The following FER1L6 variants were observed in gnomAD, a reference collection of about 807,000 sequenced individuals.
FER1L6 encodes the protein fer-1-like protein 6.
In FER1L6, 177 loss-of-function variants were observed where a neutral mutation model predicts 219.2. That is an observed-to-expected ratio of 0.81 (90% confidence interval 0.71 to 0.91). FER1L6 has a LOEUF of 0.91. Among genes scored for constraint, FER1L6 ranks in the 40% least tolerant of loss-of-function variants. FER1L6 has a pLI of 0.00. For synonymous variants in FER1L6, 768 were observed against 824.3 expected (o/e 0.93, Z 1.17); for missense variants, 2,153 against 2,259.9 (o/e 0.95, Z 0.96).
chr8:124,025,738 G>T (rs1313312776), intron 18 of FER1L6, among the ~76,000 whole-genome samples: 2 of 152,084 alleles, frequency 1.3e-5, no homozygotes, highest in Non-Finnish European at 2.9e-5. Context: ...TGATAGGAAG[G>T]GCATTGAATC....
At position 123,973,424 on chromosome 8, in the gene FER1L6, C is replaced by A; in HGVS notation, c.448-10C>A. On this transcript the variant is annotated splice_polypyrimidine_tract_variant and intron_variant, in intron 6 of 40. Coordinates refer to ENST00000522917, the MANE Select transcript of FER1L6 (RefSeq NM_001039112.2). ...AAATCTGCCATACTCCCTGCTCTCTCTCTCCTCAGGTCTTTCACCACAAGC... is the reference window on the plus strand; with the variant it reads ...AAATCTGCCATACTCCCTGCTCTCTATCTCCTCAGGTCTTTCACCACAAGC... 2 of 1,610,650 alleles carry A rather than the reference C, an allele frequency of 1.2e-6. No homozygotes were observed. The highest frequency in any genetic ancestry group is 1.7e-6 in the Non-Finnish European group (2 of 1,176,776).
At chr8:123,918,059 C>T (rs1453142031) in intron 1 of FER1L6, among the ~76,000 whole-genome samples, 1 of 152,168 alleles carries the variant, frequency 6.6e-6, no homozygotes, top group Non-Finnish European at 1.5e-5. Flanking sequence ...CCTGTAATCC[C>T]AGCACTTTGG....
At chr8:124,094,018 C>T (rs1038453230) in intron 34 of FER1L6, among the ~76,000 whole-genome samples, 11 of 151,980 alleles carry the variant, frequency 7.2e-5, no homozygotes, top group Admixed American at 1.3e-4. Context: ...TCTTGTTTTG[C>T]GCGTATCATT....
intron 33 of FER1L6, among the ~76,000 whole-genome samples, chr8:124,087,039 T>C (rs908599321): frequency 7.9e-5 from 12 of 152,204 alleles, no homozygotes; most frequent in African/African-American, 2.7e-4. Context: ...TTTGGGAGTT[T>C]GATTATTAAA....
At chr8:123,938,169 G>A (rs1189438302) in intron 1 of FER1L6, among the ~76,000 whole-genome samples, 1 of 152,202 alleles carries the variant, frequency 6.6e-6, no homozygotes, top group Non-Finnish European at 1.5e-5. Flanking sequence ...CTCAGTTTAA[G>A]TCTCTTGACC....
intron 1 of FER1L6, among the ~76,000 whole-genome samples, chr8:123,933,386 GTGTGTGTGTGTGTGTC>G (rs374056994): frequency 3.5e-4 from 49 of 138,236 alleles, no homozygotes; most frequent in African/African-American, 1.2e-3. Context: ...GTCTGTGTGT[GTGTGTGTGTGTGTGTC>G]TGTGTGTGTG....
At chr8:123,916,825 C>T (rs1374121189) in intron 1 of FER1L6, among the ~76,000 whole-genome samples, 1 of 152,158 alleles carries the variant, frequency 6.6e-6, no homozygotes, top group Non-Finnish European at 1.5e-5. Flanking sequence ...GCAATTAATG[C>T]GTCAATGTCT....
At chr8:123,975,127 G>A (rs757743885) in intron 7 of FER1L6, 23 bp from the exon 8 acceptor site, 1 of 1,561,604 alleles carries the variant, frequency 6.4e-7, no homozygotes, top group Non-Finnish European at 8.7e-7. Context: ...TGAAGGATGT[G>A]AGCTGTCAGG....
chr8:124,009,938 G>A (rs146004653), intron 13 of FER1L6, among the ~76,000 whole-genome samples: 19 of 143,686 alleles, frequency 1.3e-4, no homozygotes, highest in African/African-American at 3.4e-4. Flanking sequence ...TTTGAGGGTC[G>A]TGGAACTGCA....
intron 1 of FER1L6, among the ~76,000 whole-genome samples, chr8:123,900,423 C>T (rs142689416): frequency 1.7e-3 from 265 of 152,174 alleles, no homozygotes; most frequent in African/African-American, 6.2e-3. Context: ...AGGTAAATGA[C>T]CATATCATCA....
At chr8:123,866,855 G>A (rs1015390703) in intron 1 of FER1L6, among the ~76,000 whole-genome samples, 1 of 152,134 alleles carries the variant, frequency 6.6e-6, no homozygotes, top group Non-Finnish European at 1.5e-5. Flanking sequence ...CTGGCCTCTA[G>A]CACTCCTCTG....
At chr8:124,045,296 C>T (rs1049063684) in intron 20 of FER1L6, among the ~76,000 whole-genome samples, 1 of 152,214 alleles carries the variant, frequency 6.6e-6, no homozygotes, top group African/African-American at 2.4e-5. Context: ...CAGGTGGAAC[C>T]TCAGTTCTGC....
At chr8:123,863,977 T>G (rs1172763730) in intron 1 of FER1L6, among the ~76,000 whole-genome samples, 8 of 149,734 alleles carry the variant, frequency 5.3e-5, no homozygotes, top group Non-Finnish European at 1.0e-4. Flanking sequence ...TTAGTCCATT[T>G]ACATTTAAAG....
intron 22 of FER1L6, among the ~76,000 whole-genome samples, chr8:124,055,106 C>T (rs1820224486): frequency 6.6e-6 from 1 of 152,112 alleles, no homozygotes; most frequent in Non-Finnish European, 1.5e-5. Context: ...CCACATCACA[C>T]AGAAAAGCCC....
At chr8:123,917,246 G>GAC (rs1813216444) in intron 1 of FER1L6, among the ~76,000 whole-genome samples, 1 of 152,200 alleles carries the variant, frequency 6.6e-6, no homozygotes, top group African/African-American at 2.4e-5. Flanking sequence ...ATGGTGACCA[G>GAC]ACACACATTT....
chr8:123,907,991 C>T lies in FER1L6; in HGVS notation c.-7-48001C>T, dbSNP rs147010544. Reference sequence around the variant, plus strand: ...TATCTAAGTGATGTATTTGTTTCTACTTTAGTCTGTGAACCTCCCAGAGTT... The same window carrying T: ...TATCTAAGTGATGTATTTGTTTCTATTTTAGTCTGTGAACCTCCCAGAGTT... On this transcript the variant is annotated intron_variant, in intron 1 of 40. Coordinates refer to ENST00000522917, the MANE Select transcript of FER1L6 (RefSeq NM_001039112.2). Among the ~76,000 whole-genome samples the T allele has an allele frequency of 6.6e-3, 1,000 of 152,094 alleles. 9 individuals are homozygous for T. The highest frequency in any genetic ancestry group is 0.023 in the African/African-American group (945 of 41,528).
chr8:124,064,701 T>A (rs1223229336), intron 26 of FER1L6, 128 bp downstream of exon 26: 2 of 804,308 alleles, frequency 2.5e-6, no homozygotes, highest in East Asian at 2.7e-5. Flanking sequence ...TATCGGTTCA[T>A]CCTTTGTAAA....
chr8:123,939,827 T>C lies in FER1L6; in HGVS notation c.-7-16165T>C, dbSNP rs141275613. Among the ~76,000 whole-genome samples the C allele has an allele frequency of 1.3e-3, 204 of 152,284 alleles. 1 individual carries two copies. The highest frequency in any genetic ancestry group is 4.5e-3 in the African/African-American group (188 of 41,536). ...CACCCCTGTTTCCAGTTGCACCCCT[T>C]GTTAGAATAAGTCACTCAAGGCTTC... On this transcript the variant is annotated intron_variant, in intron 1 of 40. Coordinates refer to ENST00000522917, the MANE Select transcript of FER1L6 (RefSeq NM_001039112.2).
chr8:124,090,614 T>C (rs529023573), intron 33 of FER1L6, among the ~76,000 whole-genome samples: 1 of 152,344 alleles, frequency 6.6e-6, no homozygotes, highest in African/African-American at 2.4e-5. Flanking sequence ...ATAAGCCATG[T>C]TGATTTGTTT....
Sources: gnomAD v4.1 joint callset for allele counts (sites outside exome capture counted in the v4.1 genomes callset) on GRCh38, gnomAD v4.1.1 for gene constraint, MANE v1.5 for transcripts, NCBI Gene and HGNC (gene_info 2026-07-23, HGNC 2026-07-21) for gene names.